CCDC12: variants seen among roughly 807,000 people sequenced by gnomAD.
CCDC12 encodes coiled-coil domain containing 12.
In CCDC12, 28 loss-of-function variants were observed where a neutral mutation model predicts 25.7. The observed-to-expected ratio is 1.09, with a 90% CI of 0.81 to 1.50. The LOEUF is 1.50. CCDC12 is among the 40% of genes most tolerant of loss of function. The pLI is 0.00. For missense variants in CCDC12, 198 were observed against 210.0 expected (o/e 0.94, Z 0.35); for synonymous variants, 75 against 87.7 (o/e 0.86, Z 0.81).
upstream of CCDC12, among the ~76,000 whole-genome samples, chr3:46,981,173 G>A (rs535042399): frequency 6.9e-4 from 105 of 152,276 alleles, no homozygotes; most frequent in African/African-American, 2.4e-3. Context: ...GGCCGGGCAC[G>A]GTGGCTCACA....
intron 2 of CCDC12, among the ~76,000 whole-genome samples, chr3:46,940,076 C>T (rs1435438668): frequency 6.6e-6 from 1 of 152,210 alleles, no homozygotes; most frequent in Non-Finnish European, 1.5e-5. Context: ...AAGAGAGCCC[C>T]ATCTCAGGGC....
At chr3:46,951,455 C>T (rs1341556204) in intron 1 of CCDC12, among the ~76,000 whole-genome samples, 2 of 151,750 alleles carry the variant, frequency 1.3e-5, no homozygotes, top group African/African-American at 2.4e-5. Flanking sequence ...CATAAATATA[C>T]AGCTATTATT....
At chr3:46,927,737 T>C (rs574996481) in intron 2 of CCDC12, among the ~76,000 whole-genome samples, 105 of 152,340 alleles carry the variant, frequency 6.9e-4, no homozygotes, top group African/African-American at 2.5e-3. Flanking sequence ...TCTATCAAGC[T>C]GGGTCCACGC....
At chr3:46,949,468 G>A (rs2034030937) in intron 1 of CCDC12, among the ~76,000 whole-genome samples, 1 of 152,178 alleles carries the variant, frequency 6.6e-6, no homozygotes, top group Admixed American at 6.5e-5. Flanking sequence ...GTTCCTCTGG[G>A]AAGTCTGGCC....
At chr3:46,930,108 T>C (rs1352433578) in intron 2 of CCDC12, among the ~76,000 whole-genome samples, 1 of 151,484 alleles carries the variant, frequency 6.6e-6, no homozygotes, top group Non-Finnish European at 1.5e-5. Context: ...CTCCTGGGCT[T>C]AAGCAATCCT....
chr3:46,962,289 C>G (rs1203255433), intron 1 of CCDC12, among the ~76,000 whole-genome samples: 4 of 151,872 alleles, frequency 2.6e-5, no homozygotes, highest in Non-Finnish European at 4.4e-5. Context: ...CAAAAATTAG[C>G]TGGGCATGGT....
In CCDC12 at chr3:46,922,084, G is replaced by A. The variant is rs143611248; in HGVS notation, c.474C>T (p.Thr158=). The part of the protein sequence containing the change: ...DSLASAVDAA[T]EQKTCDSD Reference sequence around the variant, plus strand: ...AGTCGGAGTCACAGGTCTTTTGTTCGGTGGCAGCATCCACTGCAGAGGCTA... The same window carrying A: ...AGTCGGAGTCACAGGTCTTTTGTTCAGTGGCAGCATCCACTGCAGAGGCTA... The change falls in exon 7 of 7, where the codon ACC becomes ACT. Residue 158 remains threonine, a synonymous_variant. Transcript: ENST00000683445. 5.8e-5 allele frequency: 94 copies of A among 1,614,236 alleles called. No homozygotes were observed. Among genetic ancestry groups the A allele is most frequent in the Middle Eastern group, 1.7e-4 (1 of 6,038 alleles).
chr3:46,953,648 G>GAA (rs527618724), intron 1 of CCDC12, among the ~76,000 whole-genome samples: 22 of 105,386 alleles, frequency 2.1e-4, no homozygotes, highest in Admixed American at 3.1e-4. Flanking sequence ...CTCAAGCTTG[G>GAA]AAAAAAAAAA....
chr3:46,941,010 CCTT>C lies in CCDC12; in HGVS notation c.149_151del (p.Glu50del). ...ACACGGGCATTACCTGTGCTTCTCG[CCTT>C]CTTCCTCCTCTTCTCTGAGATGCTT... On this transcript the variant is annotated inframe_deletion, in exon 2 of 7. Transcript: ENST00000683445. The C allele has an allele frequency of 1.2e-6, 2 of 1,614,174 alleles. No homozygotes were observed. Among genetic ancestry groups the C allele is most frequent in the Non-Finnish European group, 1.7e-6 (2 of 1,180,032 alleles).
rs148493195 is a variant in CCDC12 at position 46,928,529 on chromosome 3, G to A, written c.165-2994C>T. ...TTGCACCAACCTCATATAATCTCAT[G>A]GGCCTGGAGAGAAAAAAAAAAGTGT... On this transcript the variant is annotated intron_variant, in intron 2 of 6. Coordinates refer to ENST00000683445, the MANE Select transcript of CCDC12 (RefSeq NM_001277074.2). 2.6e-5 allele frequency among the ~76,000 whole-genome samples: 4 copies of A among 152,152 alleles called. No individual in the cohort carries two copies. In the East Asian group the frequency reaches 7.7e-4, roughly 29 times the overall value.
At chr3:46,958,735 A>C (rs1330071196) in intron 1 of CCDC12, among the ~76,000 whole-genome samples, 2 of 152,132 alleles carry the variant, frequency 1.3e-5, no homozygotes, top group Admixed American at 6.6e-5. Flanking sequence ...ATGTTTGTTA[A>C]GTGTTCTATG....
chr3:46,980,891 G>A (rs1575575555), upstream of CCDC12, among the ~76,000 whole-genome samples: 1 of 152,208 alleles, frequency 6.6e-6, no homozygotes, highest in Non-Finnish European at 1.5e-5. Flanking sequence ...TGTGCCCTGG[G>A]CACAATGGAC....
chr3:46,950,706 T>C (rs941299433), intron 1 of CCDC12, among the ~76,000 whole-genome samples: 1 of 152,184 alleles, frequency 6.6e-6, no homozygotes, highest in African/African-American at 2.4e-5. Flanking sequence ...TCTCTGTATA[T>C]GCTAAACTTA....
intron 1 of CCDC12, among the ~76,000 whole-genome samples, chr3:46,973,892 G>A (rs1310692898): frequency 6.6e-6 from 1 of 152,106 alleles, no homozygotes; most frequent in African/African-American, 2.4e-5. Context: ...GATTACAGGC[G>A]TGAGCCACCG....
At position 46,973,214 on chromosome 3, in the gene CCDC12, G is replaced by A. The variant is rs759627955; in HGVS notation, c.96+3423C>T. ...TACTAAAATAAAAAATTAGCTGGGC[G>A]TGGTGGCATACACCTGTAATCCCAG... On this transcript the variant is annotated intron_variant, in intron 1 of 6. Transcript: ENST00000683445. Among the ~76,000 whole-genome samples the A allele has an allele frequency of 1.1e-4, 17 of 152,032 alleles. No homozygotes were observed. The South Asian group carries it at 1.2e-3, about 11-fold the overall frequency.
At chr3:46,979,783 C>G (rs994224814), upstream of CCDC12, 1 of 374,068 alleles carries the variant, frequency 2.7e-6, no homozygotes, top group African/African-American at 2.1e-5. Flanking sequence ...GCCCATGGGC[C>G]TGGCCGAGGG....
At chr3:46,940,068 G>A (rs2033637614) in intron 2 of CCDC12, among the ~76,000 whole-genome samples, 1 of 152,222 alleles carries the variant, frequency 6.6e-6, no homozygotes, top group South Asian at 2.1e-4. Context: ...GCCCCAGGAA[G>A]AGAGCCCCAT....
intron 1 of CCDC12, among the ~76,000 whole-genome samples, chr3:46,975,015 G>A (rs1246512973): frequency 6.6e-6 from 1 of 152,198 alleles, no homozygotes; most frequent in East Asian, 1.9e-4. Context: ...CACACAGGTA[G>A]TGAACTTCAG....
Position 46,923,244 on chromosome 3 carries a change from G to C in CCDC12, c.341+85C>G, listed in dbSNP as rs915087091. The C allele has an allele frequency of 2.3e-6, 3 of 1,327,606 alleles. No homozygotes were observed. The South Asian group carries it at 5.6e-5, about 25-fold the overall frequency. 82.2% of individuals were successfully genotyped at this position (1,327,606 alleles called of 1,614,324 possible). On this transcript the variant is annotated intron_variant, in intron 5 of 6. Coordinates refer to ENST00000683445, the MANE Select transcript of CCDC12 (RefSeq NM_001277074.2). ...GTACTGCCAGTCTCTGCACTGTGAC[G>C]GCAGGAAGGGCCAAGCCCCAGGCCC...
Sources: gnomAD v4.1 joint callset for allele counts (sites outside exome capture counted in the v4.1 genomes callset) on GRCh38, gnomAD v4.1.1 for gene constraint, MANE v1.5 for transcripts, NCBI Gene and HGNC (gene_info 2026-07-23, HGNC 2026-07-21) for gene names.